KIF6: variants seen among roughly 807,000 people sequenced by gnomAD.
KIF6 encodes kinesin-like protein KIF6.
Under a neutral mutation model 112.7 loss-of-function variants are expected in KIF6, and 106 were observed. That is an observed-to-expected ratio of 0.94 (90% confidence interval 0.80 to 1.11). The LOEUF is 1.11. KIF6 is among the 50% of genes least tolerant of loss of function. KIF6 has a pLI of 0.00. For missense variants in KIF6, 929 were observed against 964.0 expected (o/e 0.96, Z 0.48); for synonymous variants, 339 against 339.9 (o/e 1.00, Z 0.03).
At chr6:39,379,195 T>C (rs1247358338) in intron 16 of KIF6, among the ~76,000 whole-genome samples, 2 of 152,234 alleles carry the variant, frequency 1.3e-5, no homozygotes, top group Non-Finnish European at 2.9e-5. Context: ...TGGGTGCCTC[T>C]TTTTTGCTTA....
At chr6:39,367,139 C>T (rs963988715) in intron 16 of KIF6, among the ~76,000 whole-genome samples, 10 of 152,150 alleles carry the variant, frequency 6.6e-5, no homozygotes, top group Non-Finnish European at 1.3e-4. Context: ...TGCAGCCTCA[C>T]CAGGAGACAG....
intron 15 of KIF6, among the ~76,000 whole-genome samples, chr6:39,419,546 T>C (rs967479853): frequency 5.9e-5 from 9 of 152,082 alleles, no homozygotes; most frequent in Admixed American, 2.6e-4. Flanking sequence ...TAAAATATCA[T>C]ACCTGTGCCA....
At chr6:39,715,505 A>AGTT (rs1789791192) in intron 2 of KIF6, among the ~76,000 whole-genome samples, 2 of 138,290 alleles carry the variant, frequency 1.4e-5, no homozygotes, top group Non-Finnish European at 3.1e-5. Flanking sequence ...CACAGAATCT[A>AGTT]TTTTTTTTTT....
At chr6:39,576,236 T>C (rs1264073348) in intron 10 of KIF6, among the ~76,000 whole-genome samples, 2 of 152,054 alleles carry the variant, frequency 1.3e-5, no homozygotes, top group Admixed American at 1.3e-4. Context: ...GCGATTCTCC[T>C]GCCTCAGCCT....
chr6:39,360,485 G>A lies in KIF6; in HGVS notation c.1992C>T (p.Ile664=). The part of the protein sequence containing the change: ...FTRLKALKVE[I]EHLQLLMDKA... ...TGTCCATGAGCAGCTGCAAGTGCTC[G>A]ATCTCCACCTTCAGGGCTTTCAGGC... The change falls in exon 18 of 23, where the codon ATC becomes ATT. Residue 664 remains isoleucine (I), a synonymous_variant. Coordinates refer to ENST00000287152, the MANE Select transcript of KIF6 (RefSeq NM_145027.6). 2 of 1,614,160 alleles carry A rather than the reference G, an allele frequency of 1.2e-6. No individual in the cohort carries two copies. Among genetic ancestry groups the A allele is most frequent in the South Asian group, 2.2e-5 (2 of 91,074 alleles).
chr6:39,709,978 C>T (rs1266003657), intron 3 of KIF6, among the ~76,000 whole-genome samples: 1 of 152,096 alleles, frequency 6.6e-6, no homozygotes, highest in African/African-American at 2.4e-5. Flanking sequence ...TTATGTTTTA[C>T]CATTTCAAAG....
chr6:39,435,312 T>G (rs949211794), intron 13 of KIF6, among the ~76,000 whole-genome samples: 6 of 152,236 alleles, frequency 3.9e-5, no homozygotes, highest in African/African-American at 1.4e-4. Flanking sequence ...CATAGTTTAC[T>G]TCATCTGTTA....
rs559634183 is a variant in KIF6, at chr6:39,707,232, T to C, written c.251+7460A>G. Among the ~76,000 whole-genome samples, 5 of 152,358 alleles carry C rather than the reference T, an allele frequency of 3.3e-5. 1 individual carries two copies. In the South Asian group the frequency reaches 1.0e-3, roughly 32 times the overall value. On this transcript the variant is annotated intron_variant, in intron 3 of 22. Coordinates refer to ENST00000287152, the MANE Select transcript of KIF6 (RefSeq NM_145027.6). ...ACATTTTACCAGTTTGAATGAAGTG[T>C]AGAAACCTTACTTCCCTTAGGGCCC...
Position 39,721,191 on chromosome 6 carries a change from T to C in KIF6, c.67-380A>G, listed in dbSNP as rs1003020430. On this transcript the variant is annotated intron_variant, in intron 1 of 22. Transcript: ENST00000287152. Reference sequence around the variant, plus strand: ...AACATTTTACTACAATCAATAAGCATTTCTGAGCATTTACAAAATACCAGA... The same window carrying C: ...AACATTTTACTACAATCAATAAGCACTTCTGAGCATTTACAAAATACCAGA... Among the ~76,000 whole-genome samples, 3 of 152,198 alleles carry C rather than the reference T, an allele frequency of 2.0e-5. No individual in the cohort carries two copies. The South Asian group carries it at 6.2e-4, about 32-fold the overall frequency.
chr6:39,708,468 C>G (rs921189705), intron 3 of KIF6, among the ~76,000 whole-genome samples: 10 of 152,126 alleles, frequency 6.6e-5, no homozygotes, highest in Admixed American at 2.0e-4. Context: ...ACCTCATTGG[C>G]CTTATTGTAG....
At chr6:39,474,510 T>C (rs759968817) in intron 13 of KIF6, among the ~76,000 whole-genome samples, 2 of 152,272 alleles carry the variant, frequency 1.3e-5, no homozygotes, top group Non-Finnish European at 2.9e-5. Context: ...CTTCCTTCTT[T>C]ACTTGCATGA....
At chr6:39,637,342 T>A (rs547273555) in intron 4 of KIF6, among the ~76,000 whole-genome samples, 39 of 152,138 alleles carry the variant, frequency 2.6e-4, no homozygotes, top group African/African-American at 8.9e-4. Context: ...CAAGCTACCT[T>A]TCCTTATTAC....
At chr6:39,634,614 C>T (rs183800776) in intron 5 of KIF6, among the ~76,000 whole-genome samples, 18 of 152,178 alleles carry the variant, frequency 1.2e-4, no homozygotes, top group Admixed American at 1.2e-3. Flanking sequence ...GCACTCTCTT[C>T]TGCCAACTCC....
At chr6:39,442,510 C>T (rs566778517) in intron 13 of KIF6, among the ~76,000 whole-genome samples, 11 of 152,280 alleles carry the variant, frequency 7.2e-5, no homozygotes, top group South Asian at 2.1e-4. Flanking sequence ...TTTGGAAAGC[C>T]GCCTGGGTCA....
rs542086871 is a variant in KIF6, at chr6:39,535,664, A to G, written c.1645+4339T>C. ...CATTAGACAGATCAACAAGACAGAA[A>G]GTTAACAAGGATACCCAGGAATTGA... On this transcript the variant is annotated intron_variant, in intron 13 of 22. Coordinates refer to ENST00000287152, the MANE Select transcript of KIF6 (RefSeq NM_145027.6). Among the ~76,000 whole-genome samples the G allele has an allele frequency of 9.4e-3, 1,434 of 152,322 alleles. 30 individuals carry two copies. Among genetic ancestry groups the G allele is most frequent in the African/African-American group, 0.032 (1,333 of 41,558 alleles).
intron 5 of KIF6, among the ~76,000 whole-genome samples, chr6:39,615,293 C>A (rs759806572): frequency 3.3e-5 from 5 of 152,112 alleles, no homozygotes; most frequent in African/African-American, 9.7e-5. Context: ...ACCTATGATA[C>A]ACTTTGAAAG....
intron 10 of KIF6, among the ~76,000 whole-genome samples, chr6:39,553,156 G>C (rs1230167578): frequency 6.6e-6 from 1 of 152,140 alleles, no homozygotes; most frequent in African/African-American, 2.4e-5. Context: ...GCCCTAACCA[G>C]TTAGTGAAAG....
intron 4 of KIF6, among the ~76,000 whole-genome samples, chr6:39,635,631 G>A (rs1784584975): frequency 6.6e-6 from 1 of 152,002 alleles, no homozygotes; most frequent in African/African-American, 2.4e-5. Flanking sequence ...AATGTTTGTG[G>A]TGGGTCACTG....
intron 15 of KIF6, among the ~76,000 whole-genome samples, chr6:39,391,436 G>A (rs1767887411): frequency 6.6e-6 from 1 of 152,192 alleles, no homozygotes; most frequent in Admixed American, 6.5e-5. Context: ...CAAGCCCAAG[G>A]AGGAAGAAAC....
Sources: allele counts gnomAD v4.1 joint callset (sites outside exome capture counted in the v4.1 genomes callset), GRCh38; gene constraint gnomAD v4.1.1; transcripts MANE v1.5; gene names NCBI Gene and HGNC (gene_info 2026-07-23, HGNC 2026-07-21).